The following LMNA variants were observed in gnomAD, a reference collection of about 807,000 sequenced individuals.
The protein encoded by LMNA is lamin A/C.
A neutral mutation model predicts 70.4 loss-of-function variants in LMNA; 20 were observed. That is an observed-to-expected ratio of 0.28 (90% CI 0.20 to 0.41). The LOEUF is 0.41. Ranked by LOEUF, LMNA falls within the 10% of genes least tolerant of loss-of-function variation. The pLI, the probability that LMNA is intolerant of heterozygous loss-of-function variation, is 1.00. For synonymous variants in LMNA, 339 were observed against 372.8 expected (o/e 0.91, Z 1.04); for missense variants, 652 against 917.2 (o/e 0.71, Z 3.73).
chr1:156,085,005 C>T (rs977874374), intron 2 of LMNA, among the ~76,000 whole-genome samples: 5 of 152,182 alleles, frequency 3.3e-5, no homozygotes, highest in African/African-American at 1.2e-4. Flanking sequence ...GAGGCAGGGT[C>T]CCTACTGGAC....
In LMNA at chr1:156,103,054, C is replaced by G. The variant is rs1009648284; in HGVS notation, c.-206-11659C>G. ...CTCTCCCCTGGTTTCATTTCACAGC[C>G]AAGCCCTCATCTATCCTTGCCTCAA... is the stretch of plus-strand genomic sequence containing the variant. On this transcript the variant is annotated intron_variant, in intron 3 of 12. Coordinates refer to the LMNA transcript ENST00000368301. The surrounding 1 kb of genome is among the most constrained non-coding windows in gnomAD (Gnocchi z 4.7). 2.0e-5 allele frequency among the ~76,000 whole-genome samples: 3 copies of G among 152,332 alleles called. No individual in the cohort carries two copies. In the East Asian group the frequency reaches 5.8e-4, roughly 29 times the overall value.
At position 156,139,373 on chromosome 1, in the gene LMNA, C is replaced by G. The variant is rs986064096; in HGVS notation, c.*267C>G. 44 of 1,385,616 alleles carry G rather than the reference C, an allele frequency of 3.2e-5. No homozygotes were observed. The highest frequency in any genetic ancestry group is 3.8e-5 in the Non-Finnish European group (41 of 1,074,172). 85.8% of individuals were successfully genotyped at this position (1,385,616 alleles called of 1,614,324 possible). On this transcript the variant is annotated 3_prime_UTR_variant, in exon 12 of 12. Coordinates refer to ENST00000368300, the MANE Select transcript of LMNA (RefSeq NM_170707.4). ...TCTCCTCCCTTCCTTTTCCCTGCTT[C>G]CAGGAAACTCCACATCTGCCTTAAA...
rs1651934215 is a variant in LMNA at position 156,139,485 on chromosome 1, C to G, written c.*379C>G. The stretch of plus-strand genomic sequence containing the variant: ...GCTTTTCTGCCCTGGCTGCTGCCCC[C>G]ACCCCGGGGACCCTGTGACATGGTG... On this transcript the variant is annotated 3_prime_UTR_variant, in exon 12 of 12. Coordinates refer to ENST00000368300, the MANE Select transcript of LMNA (RefSeq NM_170707.4). 1.7e-5 allele frequency: 23 copies of G among 1,328,844 alleles called. No individual in the cohort carries two copies. Among genetic ancestry groups the G allele is most frequent in the Non-Finnish European group, 2.0e-5 (21 of 1,041,518 alleles). 82.3% of individuals were successfully genotyped at this position (1,328,844 alleles called of 1,614,324 possible).
chr1:156,113,166 T>C (rs1450059092), upstream of LMNA, among the ~76,000 whole-genome samples: 2 of 151,960 alleles, frequency 1.3e-5, no homozygotes, highest in Non-Finnish European at 2.9e-5. Context: ...TAGCTGGGCT[T>C]GGTGGCAGGT....
chr1:156,133,766 AAC>A (rs1193690535), intron 2 of LMNA, among the ~76,000 whole-genome samples: 1 of 151,938 alleles, frequency 6.6e-6, no homozygotes, highest in Admixed American at 6.6e-5. Context: ...AAGACCCCAG[AAC>A]ACACATGCCT....
chr1:156,114,738 C>G lies in LMNA; in HGVS notation c.-181C>G. ...TGTTCGCGGGAGCGCCGCACCTACA[C>G]CAGCCAACCCAGATCCCGAGGTCCG... is the stretch of plus-strand genomic sequence containing the variant. On this transcript the variant is annotated 5_prime_UTR_variant, in exon 1 of 12. Transcript: ENST00000368300. 1.7e-6 allele frequency: 1 copy of G among 577,014 alleles called. No individual in the cohort carries two copies. Among genetic ancestry groups the G allele is most frequent in the Non-Finnish European group, 3.0e-6 (1 of 331,298 alleles). The allele number at this position is 577,014 out of a possible 1,614,324, so 35.7% of individuals were successfully genotyped here.
In LMNA at chr1:156,139,584, A is replaced by AGAGG; in HGVS notation, c.*482_*485dup. 5 of 1,398,346 alleles carry AGAGG rather than the reference A, an allele frequency of 3.6e-6. No individual in the cohort carries two copies. In the South Asian group the frequency reaches 7.6e-5, roughly 21 times the overall value. The allele number at this position is 1,398,346 out of a possible 1,614,324, so 86.6% of individuals were successfully genotyped here. ...AGGCTCACTGCCAGGCCAGCCTCCG[A>AGAGG]GAGGGAGAGAGAGAGAGAGAGGACA... is the stretch of plus-strand genomic sequence containing the variant. On this transcript the variant is annotated 3_prime_UTR_variant, in exon 12 of 12. Transcript: ENST00000368300.
intron 2 of LMNA, among the ~76,000 whole-genome samples, chr1:156,089,410 C>T (rs1197437147): frequency 1.3e-5 from 2 of 151,770 alleles, no homozygotes; most frequent in Non-Finnish European, 2.9e-5. Context: ...ATTCTCCTGC[C>T]TCAGCCTCCT....
chr1:156,134,024 CTT>C lies in LMNA; in HGVS notation c.514-376_514-375del, dbSNP rs1651306520. On this transcript the variant is annotated intron_variant, in intron 2 of 11. Transcript: ENST00000368300. The surrounding 1 kb of genome is among the most constrained non-coding windows in gnomAD (Gnocchi z 5.3). Reference sequence around the variant, plus strand: ...AGTCCTGTGGCTGGGGGGCATATATCTTTTCTTTTTGAGACAGAGTCTAGCTG... The same window carrying C: ...AGTCCTGTGGCTGGGGGGCATATATCTTCTTTTTGAGACAGAGTCTAGCTG... 6.8e-6 allele frequency among the ~76,000 whole-genome samples: 1 copy of C among 147,480 alleles called. No individual in the cohort carries two copies. The highest frequency in any genetic ancestry group is 6.6e-5 in the Admixed American group (1 of 15,074).
chr1:156,134,989 A>G lies in LMNA; in HGVS notation c.810+14A>G. On this transcript the variant is annotated intron_variant, in intron 4 of 11. Coordinates refer to ENST00000368300, the MANE Select transcript of LMNA (RefSeq NM_170707.4). This position sits in a 1 kb window ranked among gnomAD's most constrained non-coding sequence, Gnocchi z 5.3. Reference sequence around the variant, plus strand: ...TATTCTGCCAAGGTGCTTGCTCTCGATTGGTTCCCTCACTGCCTCTGCCCT... The same window carrying G: ...TATTCTGCCAAGGTGCTTGCTCTCGGTTGGTTCCCTCACTGCCTCTGCCCT... 6.2e-7 allele frequency: 1 copy of G among 1,614,072 alleles called. No individual in the cohort carries two copies. Among genetic ancestry groups the G allele is most frequent in the Non-Finnish European group, 8.5e-7 (1 of 1,180,020 alleles).
At chr1:156,119,859 G>A (rs1650074706) in intron 1 of LMNA, among the ~76,000 whole-genome samples, 1 of 152,140 alleles carries the variant, frequency 6.6e-6, no homozygotes, top group Non-Finnish European at 1.5e-5. Context: ...TTGCATCCTG[G>A]AGTCCCTTGC....
intron 3 of LMNA, among the ~76,000 whole-genome samples, chr1:156,094,033 C>T (rs1191886497): frequency 1.3e-5 from 2 of 152,120 alleles, no homozygotes; most frequent in Non-Finnish European, 2.9e-5. Flanking sequence ...TATATCCTGT[C>T]ACTGGGTTCC....
chr1:156,094,485 C>T (rs1357349058), intron 3 of LMNA, among the ~76,000 whole-genome samples: 4 of 150,940 alleles, frequency 2.7e-5, no homozygotes, highest in African/African-American at 4.9e-5. Context: ...ACTACAGAGG[C>T]GTGCCACCAT....
chr1:156,132,837 CTTTTTTTTTTTT>C (rs34451254), intron 2 of LMNA, among the ~76,000 whole-genome samples: 1 of 93,078 alleles, frequency 1.1e-5, no homozygotes, highest in East Asian at 3.6e-4. Flanking sequence ...CTCTCTCTCT[CTTTTTTTTTTTT>C]TTTTTTTTGA....
rs772405629 is a variant in LMNA, at chr1:156,136,489, G to A, written c.1380+53G>A. The A allele has an allele frequency of 1.7e-5, 26 of 1,505,448 alleles. No homozygotes were observed. In the South Asian group the frequency reaches 2.9e-4, roughly 17 times the overall value. 93.3% of individuals were successfully genotyped at this position (1,505,448 alleles called of 1,614,324 possible). On this transcript the variant is annotated intron_variant, in intron 7 of 11. Transcript: ENST00000368300. The surrounding 1 kb of genome is among the most constrained non-coding windows in gnomAD (Gnocchi z 6.1). Reference sequence around the variant, plus strand: ...ATACAGCTGCATCAGGGAGAGAGTGGCAAGACAGAAGGATGGCATGTGGAG... The same window carrying A: ...ATACAGCTGCATCAGGGAGAGAGTGACAAGACAGAAGGATGGCATGTGGAG...
chr1:156,121,371 G>C (rs1055937402), intron 1 of LMNA, among the ~76,000 whole-genome samples: 1 of 152,028 alleles, frequency 6.6e-6, no homozygotes, highest in Non-Finnish European at 1.5e-5. Flanking sequence ...GAAAGAAGAA[G>C]GGTGCAGCTA....
chr1:156,119,977 T>C (rs1650083297), intron 1 of LMNA, among the ~76,000 whole-genome samples: 1 of 152,170 alleles, frequency 6.6e-6, no homozygotes, highest in Non-Finnish European at 1.5e-5. Flanking sequence ...AGTTATGGAT[T>C]GGGCTGCAGG....
Position 156,137,876 on chromosome 1 carries a change from C to T in LMNA, c.1698+133C>T. On this transcript the variant is annotated intron_variant, in intron 10 of 11. Coordinates refer to ENST00000368300, the MANE Select transcript of LMNA (RefSeq NM_170707.4). The surrounding 1 kb of genome is among the most constrained non-coding windows in gnomAD (Gnocchi z 4.6). ...ATGTTTTGGAACTTTACTCGCTGGC[C>T]TGGCCTTTCTTCTCTCTCCTCCCTA... 1 of 1,515,958 alleles carries T rather than the reference C, an allele frequency of 6.6e-7. No individual in the cohort carries two copies. Among genetic ancestry groups the T allele is most frequent in the Non-Finnish European group, 8.8e-7 (1 of 1,135,434 alleles). The allele number at this position is 1,515,958 out of a possible 1,614,324, so 93.9% of individuals were successfully genotyped here.
intron 2 of LMNA, among the ~76,000 whole-genome samples, chr1:156,084,106 G>A (rs1264386585): frequency 6.6e-6 from 1 of 152,108 alleles, no homozygotes; most frequent in African/African-American, 2.4e-5. Context: ...CAGTGGTAAG[G>A]TGTCCTTTTC....
Sources: allele counts gnomAD v4.1 joint callset (sites outside exome capture counted in the v4.1 genomes callset), GRCh38; gene constraint gnomAD v4.1.1; non-coding constraint Gnocchi (gnomAD v3.1); transcripts MANE v1.5; gene names NCBI Gene and HGNC (gene_info 2026-07-23, HGNC 2026-07-21).